Variants in CMSS1 observed in about 807,000 individuals in gnomAD.
The protein encoded by CMSS1 is protein CMSS1.
Under a neutral mutation model 43.5 loss-of-function variants are expected in CMSS1, and 33 were observed. The ratio of observed to expected loss-of-function variants is 0.76; its 90% CI spans 0.57 to 1.01. The LOEUF (loss-of-function observed/expected upper bound fraction) is 1.01. CMSS1 is among the 50% of genes least tolerant of loss of function. The pLI, the probability that CMSS1 is intolerant of heterozygous loss-of-function variation, is 0.00. For synonymous variants in CMSS1, 115 were observed against 117.2 expected (o/e 0.98, Z 0.12); for missense variants, 313 against 326.4 (o/e 0.96, Z 0.32).
intron 1 of CMSS1, among the ~76,000 whole-genome samples, chr3:99,867,698 T>C (rs1333289138): frequency 6.6e-6 from 1 of 152,144 alleles, no homozygotes; most frequent in East Asian, 1.9e-4. Context: ...TTCCACAAAA[T>C]AAATACTCCC....
chr3:99,977,919 G>GA (rs1292521249), intron 1 of CMSS1, among the ~76,000 whole-genome samples: 2 of 151,996 alleles, frequency 1.3e-5, no homozygotes, highest in Non-Finnish European at 2.9e-5. Flanking sequence ...TAACCTAAAA[G>GA]AAAAAATTGC....
chr3:99,832,388 G>A (rs1404187197), intron 1 of CMSS1, among the ~76,000 whole-genome samples: 2 of 150,534 alleles, frequency 1.3e-5, no homozygotes, highest in Non-Finnish European at 3.0e-5. Context: ...CCGCCACCAC[G>A]CCCGGCTAAT....
intron 1 of CMSS1, chr3:100,109,848 T>C (rs919011033): frequency 6.6e-6 from 1 of 151,282 alleles, no homozygotes; most frequent in Non-Finnish European, 1.5e-5. Context: ...AACTCAGGAA[T>C]CATTGAAGGA....
At chr3:100,037,873 C>A (rs2065133658) in intron 1 of CMSS1, among the ~76,000 whole-genome samples, 1 of 151,828 alleles carries the variant, frequency 6.6e-6, no homozygotes, top group Non-Finnish European at 1.5e-5. Flanking sequence ...TCACAATTAC[C>A]TGAGTAGCTT....
rs549293276 is a variant in CMSS1, at chr3:99,881,145, A to T, written c.64+63102A>T. Among the ~76,000 whole-genome samples, 39 of 152,274 alleles carry T rather than the reference A, an allele frequency of 2.6e-4. 1 individual carries two copies. In the East Asian group the frequency reaches 6.6e-3, roughly 26 times the overall value. On this transcript the variant is annotated intron_variant, in intron 1 of 9. Coordinates refer to ENST00000421999, the MANE Select transcript of CMSS1 (RefSeq NM_032359.4). ...ACTTCCTACCCTTGGTTTACAGGGGATGCCATAAGTTGGCTATGGACTCTA... is the reference window on the plus strand; with the variant it reads ...ACTTCCTACCCTTGGTTTACAGGGGTTGCCATAAGTTGGCTATGGACTCTA...
chr3:100,118,863 C>A (rs2066597301), intron 1 of CMSS1, among the ~76,000 whole-genome samples: 1 of 152,148 alleles, frequency 6.6e-6, no homozygotes, highest in Admixed American at 6.5e-5. Flanking sequence ...AGTCCATAAA[C>A]AGAACACATT....
At chr3:99,894,938 C>T (rs1163494377) in intron 1 of CMSS1, among the ~76,000 whole-genome samples, 1 of 152,144 alleles carries the variant, frequency 6.6e-6, no homozygotes, top group African/African-American at 2.4e-5. Flanking sequence ...ATGTGTTACA[C>T]GAAACATGAT....
At chr3:99,907,341 G>A (rs1047828896) in intron 1 of CMSS1, among the ~76,000 whole-genome samples, 23 of 151,858 alleles carry the variant, frequency 1.5e-4, no homozygotes, top group Admixed American at 9.2e-4. Context: ...TCCACCTCCC[G>A]GGTTCATGCC....
intron 1 of CMSS1, among the ~76,000 whole-genome samples, chr3:99,847,017 G>A (rs1943395080): frequency 1.3e-5 from 2 of 152,110 alleles, no homozygotes; most frequent in South Asian, 4.1e-4. Flanking sequence ...ACTCCCATGA[G>A]GCAGATATCA....
chr3:99,850,940 G>A (rs1943662411), intron 1 of CMSS1: 1 of 1,614,154 alleles, frequency 6.2e-7, no homozygotes, highest in Non-Finnish European at 8.5e-7. Flanking sequence ...AGCCTTTGCT[G>A]TTCATCCACC....
intron 1 of CMSS1, among the ~76,000 whole-genome samples, chr3:99,955,733 T>A (rs1559702469): frequency 1.3e-5 from 2 of 152,098 alleles, no homozygotes; most frequent in East Asian, 3.8e-4. Flanking sequence ...AATTGCTTGA[T>A]TTTACATAGA....
chr3:99,946,757 G>A (rs1481939125), intron 1 of CMSS1, among the ~76,000 whole-genome samples: 1 of 152,144 alleles, frequency 6.6e-6, no homozygotes, highest in African/African-American at 2.4e-5. Flanking sequence ...CTTATTTTTA[G>A]CCTTTAGTAG....
intron 1 of CMSS1, among the ~76,000 whole-genome samples, chr3:100,035,430 C>T (rs930917831): frequency 2.0e-5 from 3 of 152,128 alleles, no homozygotes; most frequent in East Asian, 1.9e-4. Flanking sequence ...CATGCCACCA[C>T]GCCCAGCTAA....
chr3:99,975,248 A>G (rs1708935190), intron 1 of CMSS1, among the ~76,000 whole-genome samples: 1 of 152,192 alleles, frequency 6.6e-6, no homozygotes, highest in South Asian at 2.1e-4. Flanking sequence ...CCATTCAACA[A>G]ATACATACTA....
chr3:100,100,248 G>C (rs895282496), intron 1 of CMSS1, among the ~76,000 whole-genome samples: 3 of 152,156 alleles, frequency 2.0e-5, no homozygotes, highest in Non-Finnish European at 4.4e-5. Flanking sequence ...TGAGGAAAGG[G>C]TTGGACAAGA....
intron 1 of CMSS1, among the ~76,000 whole-genome samples, chr3:99,871,925 C>T (rs929943137): frequency 2.6e-5 from 4 of 152,142 alleles, no homozygotes; most frequent in Admixed American, 2.0e-4. Flanking sequence ...TATTGATTTT[C>T]ACAATGCTTC....
chr3:100,048,765 T>A lies in CMSS1; in HGVS notation c.65-98208T>A, dbSNP rs185299146. Among the ~76,000 whole-genome samples the A allele has an allele frequency of 8.3e-4, 126 of 152,308 alleles. 2 individuals carry two copies. Among genetic ancestry groups the A allele is most frequent in the Non-Finnish European group, 7.3e-4 (50 of 68,032 alleles). On this transcript the variant is annotated intron_variant, in intron 1 of 9. Transcript: ENST00000421999. ...ATGGACAAAGACTGGGATTCCAGAT[T>A]TTCCTAACTAGCCCTAGGTTTTTCT...
intron 1 of CMSS1, among the ~76,000 whole-genome samples, chr3:99,926,786 A>G (rs1707305633): frequency 6.6e-6 from 1 of 152,232 alleles, no homozygotes; most frequent in Admixed American, 6.5e-5. Flanking sequence ...AGGTTTATTT[A>G]ATCCACTCTT....
intron 1 of CMSS1, among the ~76,000 whole-genome samples, chr3:99,823,570 T>C (rs1942481559): frequency 6.6e-6 from 1 of 152,364 alleles, no homozygotes; most frequent in African/African-American, 2.4e-5. Flanking sequence ...TCTGCCTCCA[T>C]TGGAGTATAC....
Sources: allele counts gnomAD v4.1 joint callset (sites outside exome capture counted in the v4.1 genomes callset), GRCh38; gene constraint gnomAD v4.1.1; transcripts MANE v1.5; gene names NCBI Gene and HGNC (gene_info 2026-07-23, HGNC 2026-07-21).